BIVM: variants seen among roughly 807,000 people sequenced by gnomAD.
BIVM encodes the protein basic immunoglobulin-like variable motif-containing protein.
A neutral mutation model predicts 61.4 loss-of-function variants in BIVM; 31 were observed. That is an observed-to-expected ratio of 0.51 (90% CI 0.38 to 0.68). The LOEUF (loss-of-function observed/expected upper bound fraction) is 0.68. Ranked by LOEUF, BIVM falls within the 30% of genes least tolerant of loss-of-function variation. The pLI is 0.00. For synonymous variants in BIVM, 189 were observed against 210.7 expected (o/e 0.90, Z 0.89); for missense variants, 526 against 596.0 (o/e 0.88, Z 1.22).
At chr13:102,801,565 T>G (rs79507813) in intron 1 of BIVM, 4,140 of 152,212 alleles carry the variant, frequency 0.027, 64 homozygotes, top group Non-Finnish European at 0.032. Flanking sequence ...TAAATCTTAA[T>G]ATAGCAACAC....
At position 102,821,893 on chromosome 13, in the gene BIVM, A is replaced by G. The variant is rs979364410; in HGVS notation, c.806+46A>G. ...GCAATATCGTGTTTCTAGTTTTGCAAAATAATAATGATGTAGATGTGTGTT... is the reference window on the plus strand; with the variant it reads ...GCAATATCGTGTTTCTAGTTTTGCAGAATAATAATGATGTAGATGTGTGTT... On this transcript the variant is annotated intron_variant, in intron 6 of 10. Coordinates refer to ENST00000257336, the MANE Select transcript of BIVM (RefSeq NM_017693.4). 2.5e-6 allele frequency: 4 copies of G among 1,591,736 alleles called. No homozygotes were observed. The African/African-American group carries it at 4.0e-5, about 16-fold the overall frequency.
rs1328589098 is a variant in BIVM, at chr13:102,802,418, C to G, written c.-206-2889C>G. On this transcript the variant is annotated intron_variant, in intron 1 of 10. Transcript: ENST00000257336. The stretch of plus-strand genomic sequence containing the variant: ...AGACAGTGTGGAAAGAAAGTAAACA[C>G]TAGCAGTGTTTGGGTCGTGGGATTT... Among the ~76,000 whole-genome samples the G allele has an allele frequency of 2.6e-5, 4 of 152,222 alleles. No individual in the cohort carries two copies. The East Asian group carries it at 7.7e-4, about 29-fold the overall frequency.
rs1489433045 is a variant in BIVM at position 102,807,046 on chromosome 13, T to C, written c.-122-100T>C. ...AGTCATATAGTAGTTGTAAAATTAA[T>C]ATAGAATGAAGGCATATGTATGCAT... On this transcript the variant is annotated intron_variant, in intron 2 of 10. Coordinates refer to ENST00000257336, the MANE Select transcript of BIVM (RefSeq NM_017693.4). The surrounding 1 kb of genome is among the most constrained non-coding windows in gnomAD (Gnocchi z 4.0). The C allele has an allele frequency of 4.6e-6, 2 of 432,232 alleles. No homozygotes were observed. The highest frequency in any genetic ancestry group is 8.1e-6 in the Non-Finnish European group (2 of 245,868). The allele number at this position is 432,232 out of a possible 1,614,324, so 26.8% of individuals were successfully genotyped here. A position where few individuals can be genotyped will look rare whatever the true frequency, so the allele number is the denominator to read the frequency against.
At chr13:102,813,487 C>A (rs1195566315) in intron 3 of BIVM, among the ~76,000 whole-genome samples, 2 of 152,026 alleles carry the variant, frequency 1.3e-5, no homozygotes, top group South Asian at 4.1e-4. Context: ...TCATTTATTA[C>A]AAGAGCATTT....
intron 3 of BIVM, among the ~76,000 whole-genome samples, chr13:102,809,105 A>G (rs1879307034): frequency 6.6e-6 from 1 of 152,096 alleles, no homozygotes; most frequent in South Asian, 2.1e-4. Context: ...CTGACTTCTT[A>G]AGATGGAAGC....
chr13:102,822,812 C>T (rs558377957), intron 7 of BIVM, among the ~76,000 whole-genome samples: 3 of 152,140 alleles, frequency 2.0e-5, no homozygotes, highest in Non-Finnish European at 4.4e-5. Flanking sequence ...ATTATTCTGA[C>T]ACTTGTTAAT....
At chr13:102,829,584 A>G (rs1347925208) in intron 7 of BIVM, among the ~76,000 whole-genome samples, 1 of 152,142 alleles carries the variant, frequency 6.6e-6, no homozygotes, top group Non-Finnish European at 1.5e-5. Context: ...CACACCTGTA[A>G]TCCCAGCACT....
chr13:102,823,119 C>T (rs1880412889), intron 7 of BIVM, among the ~76,000 whole-genome samples: 1 of 152,188 alleles, frequency 6.6e-6, no homozygotes, highest in African/African-American at 2.4e-5. Context: ...TCTCTCTAAA[C>T]TGACTTAGCA....
chr13:102,816,115 C>G (rs1879852792), intron 3 of BIVM, among the ~76,000 whole-genome samples: 1 of 152,160 alleles, frequency 6.6e-6, no homozygotes, highest in African/African-American at 2.4e-5. Context: ...GTTCCACCAG[C>G]TAAGTGACTA....
rs771547079 is a variant in BIVM, at chr13:102,821,857, C to A, written c.806+10C>A. The A allele has an allele frequency of 6.8e-6, 11 of 1,610,078 alleles. No homozygotes were observed. In the African/African-American group the frequency reaches 1.1e-4, roughly 16 times the overall value. On this transcript the variant is annotated intron_variant, in intron 6 of 10. Transcript: ENST00000257336. Reference sequence around the variant, plus strand: ...ATACAACACTTATGAGGTATGAAGACCCTCTTAGAGGCAATATCGTGTTTC... The same window carrying A: ...ATACAACACTTATGAGGTATGAAGAACCTCTTAGAGGCAATATCGTGTTTC...
At chr13:102,814,001 T>C (rs889641695) in intron 3 of BIVM, among the ~76,000 whole-genome samples, 1 of 152,104 alleles carries the variant, frequency 6.6e-6, no homozygotes, top group Non-Finnish European at 1.5e-5. Context: ...AAAAAGACAG[T>C]GGATTTTCTG....
chr13:102,816,590 A>T, intron 4 of BIVM, 36 bp downstream of exon 4: 1 of 1,472,774 alleles, frequency 6.8e-7, no homozygotes, highest in Non-Finnish European at 9.0e-7. Flanking sequence ...TCATTTTTGA[A>T]ATATGTAATA....
intron 1 of BIVM, among the ~76,000 whole-genome samples, chr13:102,803,225 A>G (rs113059217): frequency 2.5e-3 from 376 of 151,820 alleles, no homozygotes; most frequent in Non-Finnish European, 4.3e-3. Context: ...AATCCCTGCC[A>G]GGTGCAGTGG....
chr13:102,832,295 A>G (rs933222946), intron 8 of BIVM, among the ~76,000 whole-genome samples: 3 of 152,038 alleles, frequency 2.0e-5, no homozygotes, highest in Admixed American at 2.0e-4. Context: ...GCCTCAAGCA[A>G]TCCTTCTACC....
rs571974788 is a variant in BIVM at position 102,828,424 on chromosome 13, A to G, written c.902-3141A>G. Among the ~76,000 whole-genome samples, 7 of 152,242 alleles carry G rather than the reference A, an allele frequency of 4.6e-5. No individual in the cohort carries two copies. The East Asian group carries it at 9.6e-4, about 21-fold the overall frequency. On this transcript the variant is annotated intron_variant, in intron 7 of 10. Coordinates refer to ENST00000257336, the MANE Select transcript of BIVM (RefSeq NM_017693.4). ...AGTTCATAACTTTTGCTTAACAGAG[A>G]AGACCCGTCTCTGGCCTCATTCCTG... is the stretch of plus-strand genomic sequence containing the variant.
chr13:102,839,648 T>C lies in BIVM; in HGVS notation c.1295T>C (p.Phe432Ser). 1.9e-6 allele frequency: 3 copies of C among 1,614,184 alleles called. No homozygotes were observed. Among genetic ancestry groups the C allele is most frequent in the Non-Finnish European group, 2.5e-6 (3 of 1,180,034 alleles). Residue 432 changes from phenylalanine (F) to serine (S), a missense_variant, in exon 11 of 11, where the codon TTT (phenylalanine) becomes TCT (serine). Phe to Ser is a radical substitution (Grantham distance 155). Transcript: ENST00000257336. ...AGATTTGGCCTTTGGAACTTTCCAT[T>C]TGGAACCATTAGACAAGAATCACAA... ...WQRFGLWNFP[F>S]GTIRQESQPP...
intron 7 of BIVM, among the ~76,000 whole-genome samples, chr13:102,825,094 C>T (rs1012291450): frequency 5.3e-5 from 8 of 152,044 alleles, no homozygotes; most frequent in African/African-American, 1.7e-4. Context: ...AGGCGCCCAC[C>T]ACCATGCCCG....
chr13:102,810,531 T>G (rs1455271270), intron 3 of BIVM, among the ~76,000 whole-genome samples: 1 of 152,240 alleles, frequency 6.6e-6, no homozygotes. Flanking sequence ...TTTTAGTACT[T>G]GTTATTTATA....
intron 7 of BIVM, among the ~76,000 whole-genome samples, chr13:102,822,796 G>A (rs973534815): frequency 3.3e-5 from 5 of 152,080 alleles, no homozygotes; most frequent in African/African-American, 4.8e-5. Context: ...CATTGTTAAA[G>A]AAAAAATTAT....
Sources: allele counts gnomAD v4.1 joint callset (sites outside exome capture counted in the v4.1 genomes callset), GRCh38; gene constraint gnomAD v4.1.1; non-coding constraint Gnocchi (gnomAD v3.1); transcripts MANE v1.5; gene names NCBI Gene and HGNC (gene_info 2026-07-23, HGNC 2026-07-21).